PTBP2: variants seen among roughly 807,000 people sequenced by gnomAD.
PTBP2 encodes polypyrimidine tract-binding protein 2.
Under a neutral mutation model 61.4 loss-of-function variants are expected in PTBP2, and 13 were observed. That is an observed-to-expected ratio of 0.21 (90% CI 0.14 to 0.34). The LOEUF is 0.34. Among genes scored for constraint, PTBP2 ranks in the 10% least tolerant of loss-of-function variants. The pLI, the probability that PTBP2 is intolerant of heterozygous loss-of-function variation, is 1.00. For missense variants in PTBP2, 405 were observed against 642.6 expected (o/e 0.63, Z 4.00); for synonymous variants, 215 against 218.5 (o/e 0.98, Z 0.14).
chr1:96,724,290 T>G (rs1650064367), intron 2 of PTBP2, among the ~76,000 whole-genome samples: 1 of 152,120 alleles, frequency 6.6e-6, no homozygotes, highest in Admixed American at 6.6e-5. Context: ...CTCACTCTGT[T>G]GCCCAGGCTG....
intron 2 of PTBP2, among the ~76,000 whole-genome samples, chr1:96,740,556 G>C (rs12091543): frequency 0.34 from 50,969 of 151,672 alleles, 8,712 homozygotes; most frequent in South Asian, 0.44. Flanking sequence ...CATAAGCATT[G>C]AGTTGATAAT....
At chr1:96,736,882 A>C (rs571847206) in intron 2 of PTBP2, among the ~76,000 whole-genome samples, 1 of 151,494 alleles carries the variant, frequency 6.6e-6, no homozygotes, top group Non-Finnish European at 1.5e-5. Flanking sequence ...GTCTCGCTGT[A>C]TCGCTTAGGC....
chr1:96,786,824 G>C (rs1156781708), intron 8 of PTBP2, among the ~76,000 whole-genome samples: 1 of 152,104 alleles, frequency 6.6e-6, no homozygotes, highest in African/African-American at 2.4e-5. Context: ...ACTCCAGCTA[G>C]TATTAACAAT....
At position 96,739,727 on chromosome 1, in the gene PTBP2, C is replaced by T. The variant is rs542814557; in HGVS notation, c.40-11698C>T. On this transcript the variant is annotated intron_variant, in intron 2 of 13. Transcript: ENST00000674951. ...CTGCAAGCTCCACCACCCGGGTTCA[C>T]GCCATCTTCCTGAGTAGCTGGGACT... 4.1e-3 allele frequency among the ~76,000 whole-genome samples: 616 copies of T among 149,588 alleles called. 4 individuals are homozygous for T. The Middle Eastern group carries it at 0.059, about 14-fold the overall frequency.
intron 8 of PTBP2, among the ~76,000 whole-genome samples, chr1:96,794,414 CTATA>C (rs997622599): frequency 1.3e-5 from 2 of 152,150 alleles, no homozygotes; most frequent in African/African-American, 4.8e-5. Flanking sequence ...AGAAGAAAAA[CTATA>C]TATGTTTGTG....
At chr1:96,798,430 G>A (rs1660615268) in intron 8 of PTBP2, among the ~76,000 whole-genome samples, 2 of 151,998 alleles carry the variant, frequency 1.3e-5, no homozygotes, top group Non-Finnish European at 2.9e-5. Flanking sequence ...AATTAGAAAG[G>A]GCTTTAGAGT....
chr1:96,782,514 T>C (rs997989478), intron 7 of PTBP2, among the ~76,000 whole-genome samples: 3 of 152,028 alleles, frequency 2.0e-5, no homozygotes, highest in African/African-American at 7.2e-5. Context: ...GGAGAATTTA[T>C]GATGAAATCA....
intron 11 of PTBP2, among the ~76,000 whole-genome samples, chr1:96,811,207 A>G (rs959139719): frequency 1.3e-5 from 2 of 152,154 alleles, no homozygotes; most frequent in African/African-American, 2.4e-5. Context: ...TGACAGCATT[A>G]TCCTTTTCAG....
At chr1:96,725,033 G>A (rs984993220) in intron 2 of PTBP2, among the ~76,000 whole-genome samples, 2 of 152,100 alleles carry the variant, frequency 1.3e-5, no homozygotes. Context: ...GGAATAATAC[G>A]CTCTTTTTGG....
intron 2 of PTBP2, among the ~76,000 whole-genome samples, chr1:96,738,236 A>G (rs201867941): frequency 3.0e-5 from 2 of 67,088 alleles, no homozygotes; most frequent in African/African-American, 1.0e-4. Context: ...AAGGAGTGGT[A>G]TATATATATA....
At chr1:96,732,785 A>C (rs2100814003) in intron 2 of PTBP2, among the ~76,000 whole-genome samples, 2 of 152,308 alleles carry the variant, frequency 1.3e-5, no homozygotes, top group Middle Eastern at 6.8e-3. Flanking sequence ...GGACGTAACC[A>C]AAGTTGTGTC....
intron 8 of PTBP2, among the ~76,000 whole-genome samples, chr1:96,791,166 T>C (rs774692595): frequency 1.3e-5 from 2 of 152,214 alleles, no homozygotes; most frequent in Non-Finnish European, 2.9e-5. Context: ...AAAAATCTTT[T>C]GTGAAATGTG....
At chr1:96,755,448 C>T (rs1655045392) in intron 3 of PTBP2, among the ~76,000 whole-genome samples, 3 of 152,144 alleles carry the variant, frequency 2.0e-5, no homozygotes, top group Admixed American at 1.3e-4. Context: ...CTGGTAGTTT[C>T]TCCATGATCC....
At chr1:96,807,772 A>G (rs1352823428) in intron 11 of PTBP2, among the ~76,000 whole-genome samples, 1 of 152,228 alleles carries the variant, frequency 6.6e-6, no homozygotes, top group Non-Finnish European at 1.5e-5. Context: ...CAAACACATA[A>G]TAGGTTTGAA....
intron 11 of PTBP2, among the ~76,000 whole-genome samples, chr1:96,809,200 T>C (rs1661795734): frequency 6.6e-6 from 1 of 152,168 alleles, no homozygotes; most frequent in South Asian, 2.1e-4. Flanking sequence ...CAATTCACTT[T>C]TCTGAATTAC....
intron 7 of PTBP2, among the ~76,000 whole-genome samples, chr1:96,781,467 T>G (rs1487794832): frequency 1.3e-5 from 2 of 152,038 alleles, no homozygotes; most frequent in South Asian, 4.1e-4. Flanking sequence ...ATTGGACTTC[T>G]TTAAATAGCT....
At position 96,782,460 on chromosome 1, in the gene PTBP2, C is replaced by A. The variant is rs1301464508; in HGVS notation, c.709-2599C>A. On this transcript the variant is annotated intron_variant, in intron 7 of 13. Coordinates refer to ENST00000674951, the MANE Select transcript of PTBP2 (RefSeq NM_021190.4). Reference sequence around the variant, plus strand: ...TTTCTTGGGCAAAGATTCTCCTTGACATCTGCTTAATTTACAATCTGTATA... The same window carrying A: ...TTTCTTGGGCAAAGATTCTCCTTGAAATCTGCTTAATTTACAATCTGTATA... Among the ~76,000 whole-genome samples the A allele has an allele frequency of 9.2e-5, 14 of 152,140 alleles. 1 individual carries two copies. The East Asian group carries it at 2.7e-3, about 29-fold the overall frequency.
chr1:96,774,267 G>C (rs550266300), intron 5 of PTBP2, among the ~76,000 whole-genome samples: 1 of 152,096 alleles, frequency 6.6e-6, no homozygotes, highest in Non-Finnish European at 1.5e-5. Context: ...CTGTTCGTCT[G>C]TTTTTCACCC....
intron 7 of PTBP2, among the ~76,000 whole-genome samples, chr1:96,778,598 T>G (rs562564844): frequency 6.6e-6 from 1 of 152,252 alleles, no homozygotes; most frequent in African/African-American, 2.4e-5. Flanking sequence ...GCTCTGTCTC[T>G]TTAACTTTTT....
Sources: allele counts gnomAD v4.1 joint callset (sites outside exome capture counted in the v4.1 genomes callset), GRCh38; gene constraint gnomAD v4.1.1; transcripts MANE v1.5; gene names NCBI Gene and HGNC (gene_info 2026-07-23, HGNC 2026-07-21).